The following USP53 variants were observed in gnomAD, a reference collection of about 807,000 sequenced individuals.
USP53 encodes the protein ubiquitin carboxyl-terminal hydrolase 53.
USP53 carries 71 observed loss-of-function variants against 94.9 expected under a neutral mutation model. That is an observed-to-expected ratio of 0.75 (90% confidence interval 0.62 to 0.91). USP53 has a LOEUF of 0.91. USP53 is among the 40% of genes least tolerant of loss of function. The pLI is 0.00. For synonymous variants in USP53, 375 were observed against 422.7 expected, an observed-to-expected ratio of 0.89 and a Z score of 1.39; for missense variants, 1,173 against 1,281.0, an observed-to-expected ratio of 0.92 and a Z score of 1.29.
chr4:119,272,651 C>G (rs1238999461), intron 16 of USP53: 1 of 152,438 alleles, frequency 6.6e-6, no homozygotes, highest in Non-Finnish European at 1.5e-5. Flanking sequence ...ATCCACCTGC[C>G]TTGGCCTCCC....
chr4:119,234,372 T>A (rs1746451336), intron 3 of USP53, among the ~76,000 whole-genome samples: 2 of 152,166 alleles, frequency 1.3e-5, no homozygotes, highest in Non-Finnish European at 2.9e-5. Context: ...TTTGCTTTTG[T>A]GTAATCTATA....
intron 17 of USP53, among the ~76,000 whole-genome samples, chr4:119,275,359 T>G (rs1418835708): frequency 8.1e-6 from 1 of 124,098 alleles, no homozygotes; most frequent in East Asian, 2.3e-4. Flanking sequence ...TAGGGAATCC[T>G]TTCCCCATTG....
intron 9 of USP53, among the ~76,000 whole-genome samples, chr4:119,259,319 A>G (rs1408774275): frequency 1.3e-5 from 2 of 151,870 alleles, no homozygotes; most frequent in African/African-American, 4.8e-5. Flanking sequence ...TATTCAAAAT[A>G]AGAACAAAAG....
rs1345464852 is a variant in USP53 at position 119,245,324 on chromosome 4, C to G, written c.145-13C>G. On this transcript the variant is annotated splice_polypyrimidine_tract_variant and intron_variant, in intron 5 of 18. Coordinates refer to ENST00000692078, the MANE Select transcript of USP53 (RefSeq NM_001371395.1). ...GTTTATTTCTTTTTCCTTAACATCT[C>G]CCTGTTTTTTAGGTTTTATGGCAAT... 6.2e-7 allele frequency: 1 copy of G among 1,611,060 alleles called. No individual in the cohort carries two copies. The highest frequency in any genetic ancestry group is 2.2e-5 in the East Asian group (1 of 44,826).
chr4:119,273,533 A>T (rs1752140628), intron 16 of USP53, 99 bp from the exon 17 acceptor site: 1 of 822,144 alleles, frequency 1.2e-6, no homozygotes, highest in Non-Finnish European at 1.9e-6. Context: ...AGAACAGCAC[A>T]TGGCATATAA....
chr4:119,252,502 T>A (rs543352592), intron 7 of USP53, among the ~76,000 whole-genome samples: 1 of 152,292 alleles, frequency 6.6e-6, no homozygotes, highest in South Asian at 2.1e-4. Context: ...TTCTTCTACG[T>A]TTTCTAGTTT....
chr4:119,232,586 A>G (rs1390900973), intron 3 of USP53, among the ~76,000 whole-genome samples: 1 of 152,172 alleles, frequency 6.6e-6, no homozygotes, highest in African/African-American at 2.4e-5. Context: ...ACTGTTATGA[A>G]TAATGCTCTG....
In USP53 at chr4:119,294,929, TAA is replaced by T. The variant is rs892127025; in HGVS notation, c.*1720_*1721del. 88 of 152,266 alleles carry T rather than the reference TAA, an allele frequency of 5.8e-4. No homozygotes were observed. Among genetic ancestry groups the T allele is most frequent in the African/African-American group, 2.1e-3 (87 of 41,592 alleles). The allele number at this position is 152,266 out of a possible 1,614,324, so 9.4% of individuals were successfully genotyped here. ...TAGTGTGGAGGGTTTGTAAATAATG[TAA>T]AGTTTGTAAACCTGTATTTAAAATA... On this transcript the variant is annotated 3_prime_UTR_variant, in exon 19 of 19. Transcript: ENST00000692078.
At position 119,245,328 on chromosome 4, in the gene USP53, G is replaced by GT; in HGVS notation, c.145-3dup. The GT allele has an allele frequency of 1.2e-6, 2 of 1,612,064 alleles. No individual in the cohort carries two copies. The highest frequency in any genetic ancestry group is 1.7e-6 in the Non-Finnish European group (2 of 1,179,294). On this transcript the variant is annotated splice_polypyrimidine_tract_variant and intron_variant, in intron 5 of 18. Coordinates refer to ENST00000692078, the MANE Select transcript of USP53 (RefSeq NM_001371395.1). Reference sequence around the variant, plus strand: ...ATTTCTTTTTCCTTAACATCTCCCTGTTTTTTAGGTTTTATGGCAATTGGA... The same window carrying GT: ...ATTTCTTTTTCCTTAACATCTCCCTGTTTTTTTAGGTTTTATGGCAATTGGA...
rs1386647945 is a variant in USP53 at position 119,259,832 on chromosome 4, A to C, written c.582A>C (p.Glu194Asp). 1 of 1,609,840 alleles carries C rather than the reference A, an allele frequency of 6.2e-7. No individual in the cohort carries two copies. The highest frequency in any genetic ancestry group is 1.3e-5 in the African/African-American group (1 of 74,902). ...ISTTALCNEVERMLERHERFK... is the reference protein window; with the variant it reads ...ISTTALCNEVDRMLERHERFK... ...TCTTTTTTTGTAGCAATGAGGTTGA[A>C]AGAATGTTGGAAAGGCATGAACGCT... The change falls in exon 10 of 19, where the codon GAA becomes GAC. Residue 194 changes from glutamate (E) to aspartate (D), a missense_variant. Physicochemically the swap from Glu to Asp is conservative, Grantham distance 45 (BLOSUM62 2). Transcript: ENST00000692078.
At position 119,271,883 on chromosome 4, in the gene USP53, C is replaced by G. The variant is rs767713238; in HGVS notation, c.2023C>G (p.His675Asp). 6.2e-7 allele frequency: 1 copy of G among 1,614,046 alleles called. No homozygotes were observed. The highest frequency in any genetic ancestry group is 2.2e-5 in the East Asian group (1 of 44,854). Residue 675 changes from histidine to aspartate, a missense_variant, in exon 16 of 19, where the codon CAT becomes GAT. His to Asp is a moderately conservative substitution (Grantham distance 81). Coordinates refer to ENST00000692078, the MANE Select transcript of USP53 (RefSeq NM_001371395.1). ...TAAAGGCCTTGTAGAGGGTAAAGTG[C>G]ATGGTGATAATTGGCAGATGCAAAG... Reference protein sequence around the residue: ...KNKGLVEGKVHGDNWQMQRTE... With the variant: ...KNKGLVEGKVDGDNWQMQRTE...
At position 119,259,864 on chromosome 4, in the gene USP53, C is replaced by T. The variant is rs764502692; in HGVS notation, c.614C>T (p.Pro205Leu). The T allele has an allele frequency of 2.0e-5, 33 of 1,612,270 alleles. No individual in the cohort carries two copies. The highest frequency in any genetic ancestry group is 2.6e-5 in the Non-Finnish European group (31 of 1,179,144). The change falls in exon 10 of 19, where the codon CCT becomes CTT. Residue 205 changes from proline to leucine, a missense_variant. Coordinates refer to ENST00000692078, the MANE Select transcript of USP53 (RefSeq NM_001371395.1). Reference sequence around the variant, plus strand: ...TTGGAAAGGCATGAACGCTTTAAACCTGAAATGTTTGCAGAATTGCTACAA... The same window carrying T: ...TTGGAAAGGCATGAACGCTTTAAACTTGAAATGTTTGCAGAATTGCTACAA... ...RMLERHERFK[P>L]EMFAELLQAA... is the part of the protein sequence containing the mutation.
At chr4:119,279,925 T>C (rs1387625980) in intron 17 of USP53, among the ~76,000 whole-genome samples, 1 of 152,230 alleles carries the variant, frequency 6.6e-6, no homozygotes, top group Non-Finnish European at 1.5e-5. Flanking sequence ...CCCTCGTGCT[T>C]CCCAGGTGAG....
At chr4:119,288,189 A>T (rs1404538787) in intron 17 of USP53, among the ~76,000 whole-genome samples, 1 of 152,286 alleles carries the variant, frequency 6.6e-6, no homozygotes, top group Non-Finnish European at 1.5e-5. Flanking sequence ...AAACTTTCAA[A>T]ATATTTATTC....
At chr4:119,217,741 A>G (rs1324371629) in intron 3 of USP53, 68 bp downstream of exon 3, 4 of 152,230 alleles carry the variant, frequency 2.6e-5, no homozygotes, top group African/African-American at 9.6e-5. Context: ...TGTAGGCCTC[A>G]TTTAAGTGAC....
At chr4:119,281,331 T>G (rs918345047) in intron 17 of USP53, among the ~76,000 whole-genome samples, 1 of 152,200 alleles carries the variant, frequency 6.6e-6, no homozygotes, top group Non-Finnish European at 1.5e-5. Flanking sequence ...AGGGATATAA[T>G]TTTTCACAAT....
At chr4:119,290,889 TAC>T (rs963210356) in intron 17 of USP53, among the ~76,000 whole-genome samples, 7 of 152,160 alleles carry the variant, frequency 4.6e-5, no homozygotes, top group Non-Finnish European at 8.8e-5. Flanking sequence ...GGAAAACACA[TAC>T]ACAGATCTGC....
In USP53 at chr4:119,256,520, T is replaced by C; in HGVS notation, c.566T>C (p.Leu189Ser). 6.2e-7 allele frequency: 1 copy of C among 1,614,056 alleles called. No homozygotes were observed. The highest frequency in any genetic ancestry group is 8.5e-7 in the Non-Finnish European group (1 of 1,179,920). The change falls in exon 9 of 19, where the codon TTA becomes TCA. Residue 189 changes from leucine (L) to serine (S), a missense_variant. Transcript: ENST00000692078. ...GTGCGGTACATTTCTACAACAGCCT[T>C]ATGGTAAGAACCTATTAAAGCTTAA... Reference protein sequence around the residue: ...EFVRYISTTALCNEVERMLER... With the variant: ...EFVRYISTTASCNEVERMLER...
intron 9 of USP53, among the ~76,000 whole-genome samples, chr4:119,257,147 A>C (rs1749872711): frequency 6.6e-6 from 1 of 152,174 alleles, no homozygotes; most frequent in Non-Finnish European, 1.5e-5. Context: ...GAAAGTATAA[A>C]TATTTGGCAT....
Sources: gnomAD v4.1 joint callset for allele counts (sites outside exome capture counted in the v4.1 genomes callset) on GRCh38, gnomAD v4.1.1 for gene constraint, MANE v1.5 for transcripts, NCBI Gene and HGNC (gene_info 2026-07-23, HGNC 2026-07-21) for gene names.